AFF2: variants seen among roughly 807,000 people sequenced by gnomAD.
The protein encoded by AFF2 is ALF transcription elongation factor 2.
In AFF2, 14 loss-of-function variants were observed where a neutral mutation model predicts 76.9. That is an observed-to-expected ratio of 0.18 (90% CI 0.12 to 0.28). AFF2 has a LOEUF of 0.28. Ranked by LOEUF, AFF2 falls within the 10% of genes least tolerant of loss-of-function variation. The pLI, the probability that AFF2 is intolerant of heterozygous loss-of-function variation, is 1.00. For missense variants in AFF2, 868 were observed against 1,001.1 expected, an observed-to-expected ratio of 0.87 and a Z score of 1.79; for synonymous variants, 398 against 366.7, an observed-to-expected ratio of 1.09 and a Z score of -0.98.
intron 12 of AFF2, among the ~76,000 whole-genome samples, chrX:148,961,916 G>A (rs2072113349): frequency 8.9e-6 from 1 of 112,671 alleles, no homozygotes; most frequent in Non-Finnish European, 1.9e-5. Flanking sequence ...CAATTACCAT[G>A]TTAAGCAGCT....
At chrX:148,595,512 T>G (rs373935528) in intron 1 of AFF2, among the ~76,000 whole-genome samples, 8 of 112,034 alleles carry the variant, frequency 7.1e-5, no homozygotes, top group African/African-American at 2.6e-4. Flanking sequence ...AGATAGCTAA[T>G]GTGAGTAAAT....
intron 3 of AFF2, among the ~76,000 whole-genome samples, chrX:148,765,134 C>T (rs1350975546): frequency 1.8e-5 from 2 of 112,189 alleles, no homozygotes; most frequent in African/African-American, 3.2e-5. Context: ...GATCCTCACG[C>T]CTCGACCTCC....
chrX:148,500,772 G>T lies in AFF2; in HGVS notation c.-326G>T, dbSNP rs1292869697. ...GCCGCCGGCCCGCAGCCAGCCAGGC[G>T]GGCGGCCCAGCCCGCCTGAGCCCGC... is the stretch of plus-strand genomic sequence containing the variant. On this transcript the variant is annotated 5_prime_UTR_variant, in exon 1 of 21. Coordinates refer to ENST00000370460, the MANE Select transcript of AFF2 (RefSeq NM_002025.4). The T allele has an allele frequency of 3.0e-5, 3 of 98,473 alleles. No individual in the cohort carries two copies. The highest frequency in any genetic ancestry group is 3.9e-4 in the South Asian group (1 of 2,551). The allele number at this position is 98,473 out of a possible 1,213,427, so 8.1% of individuals were successfully genotyped here.
At chrX:148,830,503 C>T (rs1191656140) in intron 4 of AFF2, among the ~76,000 whole-genome samples, 1 of 111,880 alleles carries the variant, frequency 8.9e-6, no homozygotes, top group Non-Finnish European at 1.9e-5. Context: ...TAAGTGTCGG[C>T]CTGTCTGAGA....
intron 9 of AFF2, among the ~76,000 whole-genome samples, chrX:148,927,153 A>G (rs1425574366): frequency 9.8e-5 from 11 of 111,840 alleles, no homozygotes; most frequent in African/African-American, 3.6e-4. Context: ...TACATTTTGG[A>G]AAAAAGAGAA....
intron 3 of AFF2, among the ~76,000 whole-genome samples, chrX:148,715,543 A>G (rs1290904831): frequency 1.8e-5 from 2 of 111,500 alleles, no homozygotes; most frequent in Non-Finnish European, 3.8e-5. Context: ...AGCAGACCAC[A>G]GAGAAGTCTC....
chrX:148,728,019 A>G (rs1165697460), intron 3 of AFF2, among the ~76,000 whole-genome samples: 8 of 112,265 alleles, frequency 7.1e-5, no homozygotes, highest in Non-Finnish European at 1.3e-4. Flanking sequence ...ACAGGGAAAA[A>G]GTTGCAAGAC....
intron 4 of AFF2, among the ~76,000 whole-genome samples, chrX:148,820,954 T>A (rs782353508): frequency 9.0e-6 from 1 of 111,426 alleles, no homozygotes; most frequent in East Asian, 2.9e-4. Context: ...GGGAGCAGGC[T>A]GTGGCTGCCT....
intron 1 of AFF2, among the ~76,000 whole-genome samples, chrX:148,604,284 A>C (rs1045670875): frequency 6.2e-5 from 7 of 113,028 alleles, no homozygotes; most frequent in Non-Finnish European, 9.4e-5. Context: ...TGTAAAGTAC[A>C]AATAGTATAA....
chrX:148,592,487 T>TA lies in AFF2; in HGVS notation c.48-59496dup, dbSNP rs11357532. 2.0e-3 allele frequency among the ~76,000 whole-genome samples: 183 copies of TA among 92,758 alleles called. 1 individual carries two copies. The highest frequency in any genetic ancestry group is 4.3e-3 in the African/African-American group (111 of 25,572). 80.5% of individuals were successfully genotyped at this position (92,758 alleles called of 115,157 possible). A position where few individuals can be genotyped will look rare whatever the true frequency, so the allele number is the denominator to read the frequency against. ...AGCTTTTTAAACCCAAGGCCTGCTA[T>TA]AAAAAAAAAAAAAAAAGTATATTTT... is the stretch of plus-strand genomic sequence containing the variant. On this transcript the variant is annotated intron_variant, in intron 1 of 20. Transcript: ENST00000370460.
At chrX:148,632,136 C>G (rs1758775913) in intron 1 of AFF2, among the ~76,000 whole-genome samples, 1 of 111,826 alleles carries the variant, frequency 8.9e-6, no homozygotes, top group Admixed American at 9.5e-5. Flanking sequence ...CAAATAAATA[C>G]CTTCATGTTT....
intron 3 of AFF2, among the ~76,000 whole-genome samples, chrX:148,800,710 C>CT (rs1242680798): frequency 9.1e-6 from 1 of 110,476 alleles, no homozygotes; most frequent in Non-Finnish European, 1.9e-5. Flanking sequence ...TGAACTCCCA[C>CT]TTTTTTTTTC....
intron 7 of AFF2, among the ~76,000 whole-genome samples, chrX:148,872,121 G>A (rs1375356279): frequency 2.7e-5 from 3 of 110,427 alleles, no homozygotes; most frequent in South Asian, 3.9e-4. Flanking sequence ...TAAAAAAGAC[G>A]GCTCTATTTA....
At chrX:148,543,013 T>C (rs1365386712) in intron 1 of AFF2, among the ~76,000 whole-genome samples, 1 of 111,859 alleles carries the variant, frequency 8.9e-6, no homozygotes, top group African/African-American at 3.3e-5. Flanking sequence ...GAGTTGGTGT[T>C]AGCAAATGGT....
chrX:148,624,672 A>T (rs2053904478), intron 1 of AFF2, among the ~76,000 whole-genome samples: 1 of 112,155 alleles, frequency 8.9e-6, no homozygotes, highest in South Asian at 3.7e-4. Context: ...AAGCTAAAAT[A>T]ATATTCACAG....
intron 3 of AFF2, among the ~76,000 whole-genome samples, chrX:148,676,651 C>CT (rs1181489126): frequency 8.9e-6 from 1 of 111,765 alleles, no homozygotes; most frequent in Non-Finnish European, 1.9e-5. Flanking sequence ...TTTAGAAAAG[C>CT]TTTTTCAAGG....
chrX:148,639,737 A>T lies in AFF2; in HGVS notation c.48-12262A>T, dbSNP rs1439854625. Among the ~76,000 whole-genome samples, 24 of 112,102 alleles carry T rather than the reference A, an allele frequency of 2.1e-4. 1 individual carries two copies. In the Admixed American group the frequency reaches 2.3e-3, roughly 11 times the overall value. On this transcript the variant is annotated intron_variant, in intron 1 of 20. Transcript: ENST00000370460. ...GATCCACACAAGATGCAAAGGATAA[A>T]CATGGCTCAAATTGAGTCCAAAAGA...
At chrX:148,825,369 C>A (rs1159208395) in intron 4 of AFF2, among the ~76,000 whole-genome samples, 1 of 111,775 alleles carries the variant, frequency 8.9e-6, no homozygotes, top group Non-Finnish European at 1.9e-5. Context: ...ATAAATGAAA[C>A]AGTGAATTCT....
At chrX:148,670,879 C>A (rs2054415283) in intron 3 of AFF2, among the ~76,000 whole-genome samples, 1 of 111,963 alleles carries the variant, frequency 8.9e-6, no homozygotes, top group African/African-American at 3.2e-5. Flanking sequence ...CCGCTCACCC[C>A]CTTTCTCCTC....
Sources: gnomAD v4.1 joint callset for allele counts (sites outside exome capture counted in the v4.1 genomes callset) on GRCh38, gnomAD v4.1.1 for gene constraint, MANE v1.5 for transcripts, NCBI Gene and HGNC (gene_info 2026-07-23, HGNC 2026-07-21) for gene names.